PCDHGA5: variants seen among roughly 807,000 people sequenced by gnomAD.
The protein encoded by PCDHGA5 is protocadherin gamma-A5.
Under a neutral mutation model 56.7 loss-of-function variants are expected in PCDHGA5, and 36 were observed. That is an observed-to-expected ratio of 0.64 (90% CI 0.49 to 0.84). PCDHGA5 has a LOEUF of 0.84. Among genes scored for constraint, PCDHGA5 ranks in the 40% least tolerant of loss-of-function variants. The pLI is 0.00. For synonymous variants in PCDHGA5, 563 were observed against 520.2 expected, an observed-to-expected ratio of 1.08 and a Z score of -1.12; for missense variants, 1,305 against 1,201.5, an observed-to-expected ratio of 1.09 and a Z score of -1.27.
At chr5:141,372,288 T>A in intron 1 of PCDHGA5, 1 of 1,613,284 alleles carries the variant, frequency 6.2e-7, no homozygotes, top group East Asian at 2.2e-5. Context: ...GGCGCGTACC[T>A]TGGGCGACAG....
intron 1 of PCDHGA5, chr5:141,394,043 G>C (rs1431547996): frequency 6.2e-7 from 1 of 1,613,576 alleles, no homozygotes; most frequent in South Asian, 1.1e-5. Context: ...GGAAATATTT[G>C]GACCGAGAAA....
chr5:141,377,955 G>T (rs557013488), intron 1 of PCDHGA5: 12 of 152,140 alleles, frequency 7.9e-5, no homozygotes, highest in African/African-American at 2.9e-4. Flanking sequence ...GTGTATCCAG[G>T]GCAACTTGAA....
In PCDHGA5 at chr5:141,384,156, C is replaced by A. The variant is rs760709557; in HGVS notation, c.2421+17405C>A. The A allele has an allele frequency of 1.9e-6, 3 of 1,613,342 alleles. No individual in the cohort carries two copies. In the African/African-American group the frequency reaches 4.0e-5, roughly 22 times the overall value. On this transcript the variant is annotated intron_variant, in intron 1 of 3. Transcript: ENST00000518069. ...ACCGGGAAACACTCTCTTTGTATAACATCACACTGAAAGCCACAGATGGTG... is the reference window on the plus strand; with the variant it reads ...ACCGGGAAACACTCTCTTTGTATAAAATCACACTGAAAGCCACAGATGGTG...
At chr5:141,393,075 G>A in intron 1 of PCDHGA5, 1 of 1,613,702 alleles carries the variant, frequency 6.2e-7, no homozygotes, top group Non-Finnish European at 8.5e-7. Context: ...GATCACCGCG[G>A]GCAGGATAGA....
chr5:141,427,742 C>T, intron 1 of PCDHGA5: 2 of 1,247,208 alleles, frequency 1.6e-6, no homozygotes, highest in Non-Finnish European at 2.3e-6. Context: ...GCCAAGTCTC[C>T]TACTCCATCG....
At chr5:141,458,201 TAGTTTAAAATA>T (rs1175017515) in intron 1 of PCDHGA5, among the ~76,000 whole-genome samples, 1 of 152,168 alleles carries the variant, frequency 6.6e-6, no homozygotes, top group Non-Finnish European at 1.5e-5. Context: ...AGGCCATAAA[TAGTTTAAAATA>T]AGTTTCCTTT....
chr5:141,413,574 T>C (rs773380895), intron 1 of PCDHGA5: 12 of 1,613,714 alleles, frequency 7.4e-6, no homozygotes, highest in Admixed American at 1.7e-5. Flanking sequence ...TCAATGACAA[T>C]GCTCCAAAAT....
At chr5:141,389,755 T>G in intron 1 of PCDHGA5, 2 of 1,612,872 alleles carry the variant, frequency 1.2e-6, no homozygotes, top group Non-Finnish European at 1.7e-6. Flanking sequence ...ACGGGCGAAG[T>G]GCGCACAGCG....
intron 1 of PCDHGA5, chr5:141,424,630 A>G (rs1440031596): frequency 1.3e-5 from 2 of 152,366 alleles, no homozygotes; most frequent in East Asian, 3.9e-4. Flanking sequence ...TTGTGAATAT[A>G]TAAATAGATT....
intron 1 of PCDHGA5, chr5:141,388,752 T>C: frequency 6.2e-7 from 1 of 1,614,002 alleles, no homozygotes; most frequent in East Asian, 2.2e-5. Context: ...GATCACCCAA[T>C]TTGACCTGAA....
rs2099411055 is a variant in PCDHGA5, at chr5:141,477,429, C to T, written c.2422-17378C>T. 6.2e-7 allele frequency: 1 copy of T among 1,614,218 alleles called. No individual in the cohort carries two copies. Among genetic ancestry groups the T allele is most frequent in the South Asian group, 1.1e-5 (1 of 91,082 alleles). ...CGAGACGCCGGAACCCCTTCCCTCT[C>T]AGCCCTTACAATAGTGCGTGTTCAA... On this transcript the variant is annotated intron_variant, in intron 1 of 3. Coordinates refer to ENST00000518069, the MANE Select transcript of PCDHGA5 (RefSeq NM_018918.3). The surrounding 1 kb of genome is among the most constrained non-coding windows in gnomAD (Gnocchi z 4.9).
intron 2 of PCDHGA5, among the ~76,000 whole-genome samples, chr5:141,496,474 T>A (rs2099769027): frequency 6.6e-6 from 1 of 152,140 alleles, no homozygotes; most frequent in African/African-American, 2.4e-5. Context: ...CTTTCCCCCA[T>A]CCTGCAACCA....
chr5:141,422,909 C>T (rs1260941191), intron 1 of PCDHGA5: 1 of 1,614,252 alleles, frequency 6.2e-7, no homozygotes, highest in East Asian at 2.2e-5. Flanking sequence ...GACAATGCGC[C>T]CGAGATCCTG....
At chr5:141,370,508 C>T in intron 1 of PCDHGA5, 1 of 1,613,908 alleles carries the variant, frequency 6.2e-7, no homozygotes, top group Non-Finnish European at 8.5e-7. Flanking sequence ...ACGCTATTCC[C>T]GAGGAGCTGG....
chr5:141,409,715 G>C (rs2095305446), intron 1 of PCDHGA5: 9 of 1,613,084 alleles, frequency 5.6e-6, no homozygotes, highest in Admixed American at 1.7e-5. Flanking sequence ...GTCGTCATAC[G>C]TGTCAGTGAG....
rs951164053 is a variant in PCDHGA5 at position 141,366,888 on chromosome 5, T to C, written c.2421+137T>C. On this transcript the variant is annotated intron_variant, in intron 1 of 3. Coordinates refer to ENST00000518069, the MANE Select transcript of PCDHGA5 (RefSeq NM_018918.3). ...CTGTATTGGAGATTAATTTTTTTTA[T>C]ATAATTCATGCTTTCTCCATTTGTT... is the stretch of plus-strand genomic sequence containing the variant. 3.1e-6 allele frequency: 4 copies of C among 1,273,828 alleles called. No homozygotes were observed. The Admixed American group carries it at 7.6e-5, about 24-fold the overall frequency. The allele number at this position is 1,273,828 out of a possible 1,614,324, so 78.9% of individuals were successfully genotyped here. A position where few individuals can be genotyped will look rare whatever the true frequency, so the allele number is the denominator to read the frequency against.
chr5:141,470,658 G>T lies in PCDHGA5; in HGVS notation c.2422-24149G>T, dbSNP rs527415532. Among the ~76,000 whole-genome samples the T allele has an allele frequency of 4.7e-3, 721 of 152,024 alleles. 9 individuals carry two copies. The highest frequency in any genetic ancestry group is 6.7e-3 in the Non-Finnish European group (452 of 67,944). On this transcript the variant is annotated intron_variant, in intron 1 of 3. Transcript: ENST00000518069. ...CTTGCTTTGAAGGCCCCTACCCTTT[G>T]GTTAGGGCTCTGCTGTTACCATCTT... is the stretch of plus-strand genomic sequence containing the variant.
intron 1 of PCDHGA5, among the ~76,000 whole-genome samples, chr5:141,368,537 T>C (rs1023071907): frequency 6.6e-6 from 1 of 152,224 alleles, no homozygotes; most frequent in Non-Finnish European, 1.5e-5. Context: ...AACTTGCTTT[T>C]CCATTTTTTT....
rs745716373 is a variant in PCDHGA5, at chr5:141,383,166, G to A, written c.2421+16415G>A. 10 of 1,614,130 alleles carry A rather than the reference G, an allele frequency of 6.2e-6. No individual in the cohort carries two copies. In the Admixed American group the frequency reaches 1.3e-4, roughly 22 times the overall value. On this transcript the variant is annotated intron_variant, in intron 1 of 3. Coordinates refer to ENST00000518069, the MANE Select transcript of PCDHGA5 (RefSeq NM_018918.3). ...GCGGCAGCTTGGTCACTGCGGGCAG[G>A]ATAGACCGGGAAGAGATCTGCGCTC...
Sources: gnomAD v4.1 joint callset for allele counts (sites outside exome capture counted in the v4.1 genomes callset) on GRCh38, gnomAD v4.1.1 for gene constraint, Gnocchi (gnomAD v3.1) non-coding constraint, MANE v1.5 for transcripts, NCBI Gene and HGNC (gene_info 2026-07-23, HGNC 2026-07-21) for gene names.